The following OSBPL10 variants were observed in gnomAD, a reference collection of about 807,000 sequenced individuals.
The protein encoded by OSBPL10 is oxysterol-binding protein-related protein 10.
In OSBPL10, 49 loss-of-function variants were observed where a neutral mutation model predicts 81.7. That is an observed-to-expected ratio of 0.60 (90% CI 0.48 to 0.76). The LOEUF (loss-of-function observed/expected upper bound fraction) is 0.76. Among genes scored for constraint, OSBPL10 ranks in the 30% least tolerant of loss-of-function variants. The probability of loss-of-function intolerance (pLI) is 0.00; values close to 1 mark genes in which losing one functional copy is unlikely to be tolerated. For missense variants in OSBPL10, 923 were observed against 987.8 expected (o/e 0.93, Z 0.88); for synonymous variants, 419 against 383.6 (o/e 1.09, Z -1.08).
At chr3:31,939,144 CTT>C (rs57544063) in intron 1 of OSBPL10, among the ~76,000 whole-genome samples, 30 of 65,276 alleles carry the variant, frequency 4.6e-4, no homozygotes, top group African/African-American at 1.2e-3. Context: ...CTCTCTCATC[CTT>C]TTTTTTTTTT....
intron 1 of OSBPL10, among the ~76,000 whole-genome samples, chr3:31,889,741 G>A (rs1320826143): frequency 6.6e-6 from 1 of 152,094 alleles, no homozygotes; most frequent in East Asian, 1.9e-4. Flanking sequence ...GCATTCTATA[G>A]CACAATACAA....
At chr3:31,948,084 C>A (rs1697753351) in intron 1 of OSBPL10, among the ~76,000 whole-genome samples, 1 of 152,216 alleles carries the variant, frequency 6.6e-6, no homozygotes, top group Non-Finnish European at 1.5e-5. Context: ...GGTTCCTCCC[C>A]TGCAGGGCAG....
intron 7 of OSBPL10, among the ~76,000 whole-genome samples, chr3:31,698,407 C>T (rs1320334673): frequency 6.6e-6 from 1 of 152,022 alleles, no homozygotes; most frequent in Non-Finnish European, 1.5e-5. Context: ...GCCAAGATGG[C>T]ACCATTGTAC....
At chr3:31,989,853 T>C (rs1221004746) in intron 2 of OSBPL10, 1 of 1,614,142 alleles carries the variant, frequency 6.2e-7, no homozygotes, top group Non-Finnish European at 8.5e-7. Context: ...GGAAACAATA[T>C]AAATGTGATG....
At position 31,767,387 on chromosome 3, in the gene OSBPL10, C is replaced by G. The variant is rs561519104; in HGVS notation, c.730-19267G>C. ...TGTGTGTAATTCTCACAAACGGTGGCTTTGTATCTTGTCCCTGCCTCCTCA... is the reference window on the plus strand; with the variant it reads ...TGTGTGTAATTCTCACAAACGGTGGGTTTGTATCTTGTCCCTGCCTCCTCA... On this transcript the variant is annotated intron_variant, in intron 4 of 11. Coordinates refer to ENST00000396556, the MANE Select transcript of OSBPL10 (RefSeq NM_017784.5). Among the ~76,000 whole-genome samples the G allele has an allele frequency of 1.6e-4, 25 of 152,160 alleles. 1 individual carries two copies. Among genetic ancestry groups the G allele is most frequent in the Non-Finnish European group, 3.5e-4 (24 of 68,028 alleles).
chr3:32,048,569 AGTG>A (rs1346852770), intron 1 of OSBPL10, among the ~76,000 whole-genome samples: 3 of 152,174 alleles, frequency 2.0e-5, no homozygotes, highest in Non-Finnish European at 4.4e-5. Flanking sequence ...GGCCTCCTAA[AGTG>A]GTGGGATTAC....
chr3:32,037,879 A>G (rs995426457), intron 2 of OSBPL10, among the ~76,000 whole-genome samples: 5 of 152,208 alleles, frequency 3.3e-5, no homozygotes, highest in African/African-American at 4.8e-5. Flanking sequence ...AACAGACTTC[A>G]TATATCCTAG....
At chr3:31,734,126 A>T (rs1421659645) in intron 5 of OSBPL10, among the ~76,000 whole-genome samples, 2 of 152,192 alleles carry the variant, frequency 1.3e-5, no homozygotes, top group Non-Finnish European at 2.9e-5. Flanking sequence ...CTCAGAAAAG[A>T]TGCCTGCAAA....
intron 9 of OSBPL10, among the ~76,000 whole-genome samples, chr3:31,670,482 T>C (rs17027930): frequency 0.15 from 23,319 of 152,148 alleles, 2,179 homozygotes; most frequent in East Asian, 0.27. Flanking sequence ...GTTCATAGAT[T>C]CAATCACTTT....
In OSBPL10 at chr3:32,066,003, GAAAGA is replaced by G. The variant is rs1699776075; in HGVS notation, n.185+11388_185+11392del. Among the ~76,000 whole-genome samples the G allele has an allele frequency of 3.3e-5, 2 of 61,488 alleles. 1 individual carries two copies. The highest frequency in any genetic ancestry group is 8.3e-5 in the Non-Finnish European group (2 of 24,040). The allele number at this position is 61,488 out of a possible 152,430, so 40.3% of individuals were successfully genotyped here. A position where few individuals can be genotyped will look rare whatever the true frequency, so the allele number is the denominator to read the frequency against. On this transcript the variant is annotated intron_variant and non_coding_transcript_variant, in intron 1 of 3. Coordinates refer to the OSBPL10 transcript ENST00000479173. ...AGAAAGAAAGAAAGAAAGAAAGAAA[GAAAGA>G]GAAAGAAAGAAAGAAAGAGAGAGAG...
intron 1 of OSBPL10, among the ~76,000 whole-genome samples, chr3:31,918,218 C>G (rs1459666951): frequency 6.6e-6 from 1 of 152,082 alleles, no homozygotes; most frequent in Non-Finnish European, 1.5e-5. Flanking sequence ...TAAACTTTCT[C>G]TTTTGCTTTA....
chr3:31,971,592 G>A (rs1698569417), intron 1 of OSBPL10, among the ~76,000 whole-genome samples: 1 of 152,180 alleles, frequency 6.6e-6, no homozygotes, highest in African/African-American at 2.4e-5. Context: ...CTTGTCCAAG[G>A]CAAAGAGTAG....
intron 6 of OSBPL10, among the ~76,000 whole-genome samples, chr3:31,710,163 C>T (rs1028179623): frequency 6.6e-5 from 10 of 152,306 alleles, no homozygotes; most frequent in African/African-American, 2.4e-4. Flanking sequence ...TATGCCCCAC[C>T]TGTAAGGCTC....
chr3:31,929,937 T>C lies in OSBPL10; in HGVS notation c.282-50107A>G, dbSNP rs1012205342. 9.9e-5 allele frequency among the ~76,000 whole-genome samples: 14 copies of C among 141,996 alleles called. No individual in the cohort carries two copies. The East Asian group carries it at 1.5e-3, about 15-fold the overall frequency. 93.2% of individuals were successfully genotyped at this position (141,996 alleles called of 152,430 possible). Reference sequence around the variant, plus strand: ...TGGCTTAAACCCAGGAGTTCAAGGCTGCTGTCAGCAATGACTGCACCACTG... The same window carrying C: ...TGGCTTAAACCCAGGAGTTCAAGGCCGCTGTCAGCAATGACTGCACCACTG... On this transcript the variant is annotated intron_variant, in intron 1 of 11. Transcript: ENST00000396556.
chr3:31,777,861 A>G (rs1385017938), intron 4 of OSBPL10, among the ~76,000 whole-genome samples: 1 of 152,248 alleles, frequency 6.6e-6, no homozygotes, highest in African/African-American at 2.4e-5. Context: ...AGGCACTCCC[A>G]TTCTCCAGCT....
At chr3:32,072,567 C>T (rs1049142266) in intron 1 of OSBPL10, among the ~76,000 whole-genome samples, 3 of 152,140 alleles carry the variant, frequency 2.0e-5, no homozygotes, top group Non-Finnish European at 4.4e-5. Context: ...GCTGCTAGCC[C>T]GCCTCTTAGA....
At chr3:31,848,626 C>T (rs775024523) in intron 3 of OSBPL10, among the ~76,000 whole-genome samples, 1 of 152,122 alleles carries the variant, frequency 6.6e-6, no homozygotes, top group Non-Finnish European at 1.5e-5. Flanking sequence ...TAAATGGGAG[C>T]AATGACTGCC....
chr3:31,790,957 G>T (rs1698993944), intron 4 of OSBPL10, among the ~76,000 whole-genome samples: 1 of 152,252 alleles, frequency 6.6e-6, no homozygotes, highest in African/African-American at 2.4e-5. Flanking sequence ...ATATGCTAGA[G>T]GATTCCCTGG....
At chr3:31,729,266 T>C (rs1222632723) in intron 6 of OSBPL10, among the ~76,000 whole-genome samples, 1 of 152,196 alleles carries the variant, frequency 6.6e-6, no homozygotes, top group Non-Finnish European at 1.5e-5. Context: ...CCCTGGGCTC[T>C]CCTGTTCCCT....
Sources: gnomAD v4.1 joint callset for allele counts (sites outside exome capture counted in the v4.1 genomes callset) on GRCh38, gnomAD v4.1.1 for gene constraint, MANE v1.5 for transcripts, NCBI Gene and HGNC (gene_info 2026-07-23, HGNC 2026-07-21) for gene names.